The following PSAP variants were observed in gnomAD, a reference collection of about 807,000 sequenced individuals.
The protein encoded by PSAP is prosaposin, also known as precursor of saposins.
PSAP carries 25 observed loss-of-function variants against 66.0 expected under a neutral mutation model. The ratio of observed to expected loss-of-function variants is 0.38; its 90% CI spans 0.28 to 0.53. The LOEUF (loss-of-function observed/expected upper bound fraction) is 0.53, where lower values mean the gene tolerates loss of function less well. Ranked by LOEUF, PSAP falls within the 20% of genes least tolerant of loss-of-function variation. The pLI, the probability that PSAP is intolerant of heterozygous loss-of-function variation, is 0.83. For missense variants in PSAP, 649 were observed against 668.8 expected (o/e 0.97, Z 0.33); for synonymous variants, 273 against 258.9 (o/e 1.05, Z -0.52).
chr10:71,830,157 C>T (rs1842483733), intron 4 of PSAP, among the ~76,000 whole-genome samples: 2 of 152,144 alleles, frequency 1.3e-5, no homozygotes, highest in African/African-American at 4.8e-5. Context: ...TGTAATCATG[C>T]CCACCCTGCA....
rs749422368 is a variant in PSAP, at chr10:71,831,909, G to A, written c.186C>T (p.Pro62=). Reference sequence around the variant, plus strand: ...TGACAACGTCTTTGCATATGTCGCAGGGAAGGGATTTCTAAGAGAAAGAAT... The same window carrying A: ...TGACAACGTCTTTGCATATGTCGCAAGGAAGGGATTTCTAAGAGAAAGAAT... ...VWNKPTVKSL[P]CDICKDVVTA... is the part of the protein sequence containing the mutation. Residue 62 remains proline (P), a synonymous_variant, in exon 3 of 14, where the codon CCC becomes CCT. Coordinates refer to ENST00000394936, the MANE Select transcript of PSAP (RefSeq NM_002778.4). 1.1e-5 allele frequency: 18 copies of A among 1,613,892 alleles called. No homozygotes were observed. The Admixed American group carries it at 2.8e-4, about 25-fold the overall frequency.
At chr10:71,828,195 C>T (rs1842432133) in intron 5 of PSAP, 38 bp from the exon 6 acceptor site, 8 of 1,612,880 alleles carry the variant, frequency 5.0e-6, no homozygotes, top group Non-Finnish European at 6.8e-6. Flanking sequence ...CTTAAGAGGA[C>T]TCAAATTCCT....
In PSAP at chr10:71,842,598, A is replaced by C. The variant is rs544134002; in HGVS notation, c.41-8093T>G. 4.5e-4 allele frequency among the ~76,000 whole-genome samples: 68 copies of C among 152,312 alleles called. 2 individuals are homozygous for C. Among genetic ancestry groups the C allele is most frequent in the Admixed American group, 4.4e-3 (68 of 15,304 alleles). ...TGGAGAACAACCAACTTCTGAAACCAAAAGTGGGAGGGATAATTTCCTCAA... is the reference window on the plus strand; with the variant it reads ...TGGAGAACAACCAACTTCTGAAACCCAAAGTGGGAGGGATAATTTCCTCAA... On this transcript the variant is annotated intron_variant, in intron 1 of 13. Transcript: ENST00000394936.
chr10:71,828,036 A>G lies in PSAP; in HGVS notation c.698T>C (p.Leu233Pro). The G allele has an allele frequency of 1.2e-6, 2 of 1,614,192 alleles. No homozygotes were observed. The highest frequency in any genetic ancestry group is 1.7e-6 in the Non-Finnish European group (2 of 1,180,036). Residue 233 changes from leucine to proline, a missense_variant, in exon 6 of 14, where the codon CTG (leucine) becomes CCG (proline). Leu to Pro is a moderately conservative substitution (Grantham distance 98). Coordinates refer to ENST00000394936, the MANE Select transcript of PSAP (RefSeq NM_002778.4). Reference protein sequence around the residue: ...VEHVKEECDRLGPGMADICKN... With the variant: ...VEHVKEECDRPGPGMADICKN... ...CACTATGTCGGCCATGCCAGGGCCCAGGCGGTCACACTCCTCCTTGACATG... is the reference window on the plus strand; with the variant it reads ...CACTATGTCGGCCATGCCAGGGCCCGGGCGGTCACACTCCTCCTTGACATG...
rs1165032545 is a variant in PSAP, at chr10:71,831,916, G to A, written c.179C>T (p.Ser60Phe). 7 of 1,613,714 alleles carry A rather than the reference G, an allele frequency of 4.3e-6. No individual in the cohort carries two copies. Among genetic ancestry groups the A allele is most frequent in the Admixed American group, 1.7e-5 (1 of 59,992 alleles). ...GTCTTTGCATATGTCGCAGGGAAGG[G>A]ATTTCTAAGAGAAAGAATACGAGAA... ...QTVWNKPTVK[S>F]LPCDICKDVV... Residue 60 changes from serine (S) to phenylalanine (F), a missense_variant, in exon 3 of 14, where the codon TCC becomes TTC. By Grantham distance (155) the Ser-to-Phe change is radical (BLOSUM62 -2). Transcript: ENST00000394936.
At chr10:71,840,680 C>A (rs1027721058) in intron 1 of PSAP, among the ~76,000 whole-genome samples, 5 of 152,224 alleles carry the variant, frequency 3.3e-5, no homozygotes, top group Non-Finnish European at 7.3e-5. Flanking sequence ...CATCCCATCA[C>A]CTCTGGCCTC....
intron 7 of PSAP, among the ~76,000 whole-genome samples, chr10:71,823,205 T>C (rs548125475): frequency 1.4e-3 from 217 of 152,138 alleles, no homozygotes; most frequent in Middle Eastern, 3.4e-3. Context: ...CGCTCAGAGG[T>C]GGCAGTGTTC....
chr10:71,850,546 A>AC (rs1356644844), intron 1 of PSAP, among the ~76,000 whole-genome samples: 1 of 151,736 alleles, frequency 6.6e-6, no homozygotes, highest in Admixed American at 6.6e-5. Context: ...TATCCCAACC[A>AC]CCTTAGGCAC....
intron 6 of PSAP, among the ~76,000 whole-genome samples, chr10:71,827,053 G>T (rs1171226257): frequency 6.6e-6 from 1 of 152,166 alleles, no homozygotes; most frequent in Admixed American, 6.5e-5. Context: ...GCTTGCTGCA[G>T]GAGCACAGCT....
At chr10:71,818,465 G>A (rs1842220474) in intron 13 of PSAP, 152 bp downstream of exon 13, 4 of 772,670 alleles carry the variant, frequency 5.2e-6, no homozygotes, top group Admixed American at 1.8e-5. Flanking sequence ...AGGGGACCAT[G>A]AGTAAGCCTA....
rs539504044 is a variant in PSAP, at chr10:71,816,555, T to C, written c.*886A>G. 1.8e-5 allele frequency: 8 copies of C among 442,302 alleles called. No homozygotes were observed. The East Asian group carries it at 5.1e-4, about 28-fold the overall frequency. The allele number at this position is 442,302 out of a possible 1,614,324, so 27.4% of individuals were successfully genotyped here. ...AAGCCAGAGGCCTAGGAGCTCGCCA[T>C]CCATATTTATTTGAAAAGGTCAAAA... On this transcript the variant is annotated 3_prime_UTR_variant, in exon 14 of 14. Coordinates refer to ENST00000394936, the MANE Select transcript of PSAP (RefSeq NM_002778.4).
At chr10:71,823,003 GCTT>G (rs1016454076) in intron 7 of PSAP, among the ~76,000 whole-genome samples, 12 of 150,968 alleles carry the variant, frequency 7.9e-5, no homozygotes, top group African/African-American at 2.9e-4. Context: ...GATACAGCAA[GCTT>G]TTTAGAAAAA....
rs1589446597 is a variant in PSAP at position 71,819,807 on chromosome 10, A to G, written c.1099T>C (p.Ser367Pro). ...TCCTCCAGCAGGATGGACAGGATGG[A>G]GCTGCCGTACGTGTCCACCACCTCC... ...CQEVVDTYGS[S>P]ILSILLEEVS... Residue 367 changes from serine to proline, a missense_variant, in exon 10 of 14, where the codon TCC becomes CCC. Coordinates refer to ENST00000394936, the MANE Select transcript of PSAP (RefSeq NM_002778.4). The G allele has an allele frequency of 6.2e-7, 1 of 1,613,836 alleles. No homozygotes were observed. Among genetic ancestry groups the G allele is most frequent in the Non-Finnish European group, 8.5e-7 (1 of 1,179,948 alleles).
At chr10:71,837,649 T>C (rs913805223) in intron 1 of PSAP, among the ~76,000 whole-genome samples, 2 of 152,224 alleles carry the variant, frequency 1.3e-5, no homozygotes, top group African/African-American at 4.8e-5. Flanking sequence ...CGATTTTCTT[T>C]ACCCCAAAGA....
At chr10:71,830,475 T>G (rs1842490540) in intron 4 of PSAP, among the ~76,000 whole-genome samples, 1 of 152,184 alleles carries the variant, frequency 6.6e-6, no homozygotes, top group African/African-American at 2.4e-5. Flanking sequence ...GCCCTTACAA[T>G]CATGACACTC....
rs745951723 is a variant in PSAP, at chr10:71,819,792, G to A, written c.1114C>T (p.Leu372=). ...AGCTCAGGGCTGACCTCCTCCAGCA[G>A]GATGGACAGGATGGAGCTGCCGTAC... ...DTYGSSILSI[L]LEEVSPELVC... The change falls in exon 10 of 14, where the codon CTG becomes TTG. Residue 372 remains leucine, a synonymous_variant. Coordinates refer to ENST00000394936, the MANE Select transcript of PSAP (RefSeq NM_002778.4). 2.4e-5 allele frequency: 39 copies of A among 1,613,860 alleles called. No individual in the cohort carries two copies. The highest frequency in any genetic ancestry group is 3.3e-5 in the Admixed American group (2 of 60,006).
rs145404688 is a variant in PSAP, at chr10:71,821,920, A to G, written c.865T>C (p.Ser289Pro). The G allele has an allele frequency of 6.8e-6, 11 of 1,614,102 alleles. No homozygotes were observed. In the African/African-American group the frequency reaches 1.5e-4, roughly 22 times the overall value. Residue 289 changes from serine (S) to proline (P), a missense_variant, in exon 8 of 14, where the codon TCC becomes CCC. Transcript: ENST00000394936. ...MQTLVPAKVA[S>P]KNVIPALELV... ...TCCAGGGCAGGGATGACATTCTTGGAGGCCACTTTGGCGGGGACCAGAGTC... is the reference window on the plus strand; with the variant it reads ...TCCAGGGCAGGGATGACATTCTTGGGGGCCACTTTGGCGGGGACCAGAGTC...
intron 1 of PSAP, among the ~76,000 whole-genome samples, chr10:71,843,509 C>T (rs1323726575): frequency 6.6e-6 from 1 of 152,226 alleles, no homozygotes; most frequent in African/African-American, 2.4e-5. Flanking sequence ...AGAACTTTCT[C>T]TGCGTCTTCT....
chr10:71,828,216 C>T, intron 5 of PSAP, 59 bp from the exon 6 acceptor site: 3 of 1,586,786 alleles, frequency 1.9e-6, no homozygotes, highest in Non-Finnish European at 2.6e-6. Context: ...AGGAAAACGT[C>T]CTTATATACT....
Sources: allele counts gnomAD v4.1 joint callset (sites outside exome capture counted in the v4.1 genomes callset), GRCh38; gene constraint gnomAD v4.1.1; transcripts MANE v1.5; gene names NCBI Gene and HGNC (gene_info 2026-07-23, HGNC 2026-07-21).